The following SKIC3 variants were observed in gnomAD, a reference collection of about 807,000 sequenced individuals.
The protein encoded by SKIC3 is superkiller complex protein 3.
the SKIC3 span, among the ~76,000 whole-genome samples, chr5:95,549,804 A>C: frequency 6.6e-6 from 1 of 151,860 alleles, no homozygotes; most frequent in African/African-American, 2.4e-5. Flanking sequence ...AATTTTCTAA[A>C]CAAACCCTTA....
the SKIC3 span, among the ~76,000 whole-genome samples, chr5:95,492,687 A>C: frequency 3.5e-5 from 5 of 141,738 alleles, no homozygotes; most frequent in Non-Finnish European, 4.6e-5. Context: ...AAAAAAAAAA[A>C]AACAAGACAA....
the SKIC3 span, among the ~76,000 whole-genome samples, chr5:95,542,141 T>TATC: frequency 6.6e-6 from 1 of 152,192 alleles, no homozygotes. Flanking sequence ...TAAAGAGGTA[T>TATC]ATCATTCCCT....
the SKIC3 span, among the ~76,000 whole-genome samples, chr5:95,470,675 G>A: frequency 1.3e-5 from 2 of 151,984 alleles, no homozygotes. Context: ...ACAGATCAGA[G>A]ATAAAGGTAT....
At chr5:95,517,911 G>T in the SKIC3 span, among the ~76,000 whole-genome samples, 1 of 152,018 alleles carries the variant, frequency 6.6e-6, no homozygotes, top group Non-Finnish European at 1.5e-5. Context: ...TGGGTTAGTT[G>T]TCACAGGAGT....
chr5:95,469,691 T>G, the SKIC3 span: 1 of 1,587,002 alleles, frequency 6.3e-7, no homozygotes, highest in Non-Finnish European at 8.6e-7. Flanking sequence ...TGTTACAAAC[T>G]TTAAAGTTTA....
chr5:95,547,244 A>T, the SKIC3 span: 1 of 1,049,586 alleles, frequency 9.5e-7, no homozygotes, highest in East Asian at 2.4e-5. Context: ...GGGACCCTGG[A>T]AAAGGAAAAG....
chr5:95,553,290 C>A, the SKIC3 span, among the ~76,000 whole-genome samples: 5 of 152,124 alleles, frequency 3.3e-5, no homozygotes, highest in African/African-American at 1.2e-4. Context: ...GAGTACATGT[C>A]CTGTGGAAAC....
the SKIC3 span, chr5:95,546,880 A>G: frequency 1.6e-6 from 1 of 610,350 alleles, no homozygotes; most frequent in Non-Finnish European, 2.9e-6. Flanking sequence ...GAGAAAGTTA[A>G]GTTTGGCAGA....
At chr5:95,523,952 C>G in the SKIC3 span, 1 of 1,071,266 alleles carries the variant, frequency 9.3e-7, no homozygotes, top group Non-Finnish European at 1.3e-6. Flanking sequence ...ATTAAACATA[C>G]AAAAATATGC....
chr5:95,546,591 A>C, the SKIC3 span, among the ~76,000 whole-genome samples: 1 of 152,150 alleles, frequency 6.6e-6, no homozygotes, highest in African/African-American at 2.4e-5. Flanking sequence ...TCTGGATCCC[A>C]GTGTGTCTCT....
chr5:95,548,240 T>G, the SKIC3 span, among the ~76,000 whole-genome samples: 1 of 152,078 alleles, frequency 6.6e-6, no homozygotes, highest in Admixed American at 6.5e-5. Flanking sequence ...AGGCTTCAGA[T>G]GCTCAAGGGA....
the SKIC3 span, chr5:95,512,720 T>C: frequency 1.6e-5 from 21 of 1,337,474 alleles, no homozygotes; most frequent in Non-Finnish European, 2.2e-5. Context: ...AAATATCACA[T>C]CTCAGTGTTC....
the SKIC3 span, among the ~76,000 whole-genome samples, chr5:95,522,621 C>T: frequency 6.6e-6 from 1 of 152,076 alleles, no homozygotes; most frequent in African/African-American, 2.4e-5. Context: ...TTTGTCACAT[C>T]AGCCCATAAT....
the SKIC3 span, among the ~76,000 whole-genome samples, chr5:95,533,445 T>G: frequency 6.6e-6 from 1 of 151,942 alleles, no homozygotes; most frequent in African/African-American, 2.4e-5. Context: ...AGAGGAGCAG[T>G]AAAAAGAAAA....
the SKIC3 span, chr5:95,548,441 T>C: frequency 1.3e-5 from 2 of 152,026 alleles, no homozygotes; most frequent in Non-Finnish European, 2.9e-5. Flanking sequence ...AAAATCAATT[T>C]ATCTACAGCT....
At chr5:95,515,037 A>G in the SKIC3 span, 2 of 1,039,730 alleles carry the variant, frequency 1.9e-6, no homozygotes, top group South Asian at 2.7e-5. Flanking sequence ...ATGTATGAAC[A>G]TAAAATTTCA....
chr5:95,525,151 G>A, the SKIC3 span, among the ~76,000 whole-genome samples: 2 of 152,102 alleles, frequency 1.3e-5, no homozygotes, highest in South Asian at 2.1e-4. Flanking sequence ...CCAAAGTACT[G>A]AGATTACAGG....
the SKIC3 span, among the ~76,000 whole-genome samples, chr5:95,544,965 T>C: frequency 2.6e-5 from 4 of 152,192 alleles, no homozygotes; most frequent in South Asian, 8.3e-4. Flanking sequence ...CAACATTCCT[T>C]TACTCAAAAA....
At chr5:95,509,842 T>A in the SKIC3 span, among the ~76,000 whole-genome samples, 1 of 152,222 alleles carries the variant, frequency 6.6e-6, no homozygotes, top group African/African-American at 2.4e-5. Context: ...GAATATAATG[T>A]CAGTAAAAAC....
Sources: gnomAD v4.1 joint callset for allele counts (sites outside exome capture counted in the v4.1 genomes callset) on GRCh38, gnomAD v4.1.1 for gene constraint, MANE v1.5 for transcripts, NCBI Gene and HGNC (gene_info 2026-07-23, HGNC 2026-07-21) for gene names.